PRELID2: variants seen among roughly 807,000 people sequenced by gnomAD.
PRELID2 encodes the protein PRELI domain containing 2, also known as PRELI domain-containing protein 2.
In PRELID2, 25 loss-of-function variants were observed where a neutral mutation model predicts 28.4. That is an observed-to-expected ratio of 0.88 (90% CI 0.64 to 1.23). The LOEUF is 1.23. PRELID2 is among the 50% of genes most tolerant of loss of function. PRELID2 has a pLI of 0.00. For missense variants in PRELID2, 201 were observed against 214.4 expected, an observed-to-expected ratio of 0.94 and a Z score of 0.39; for synonymous variants, 76 against 71.6, an observed-to-expected ratio of 1.06 and a Z score of -0.31.
intron 5 of PRELID2, among the ~76,000 whole-genome samples, chr5:145,765,353 T>C (rs1277820265): frequency 6.6e-6 from 1 of 152,166 alleles, no homozygotes; most frequent in Non-Finnish European, 1.5e-5. Flanking sequence ...TTTACAAATA[T>C]GCTAGATTCA....
the PRELID2 span, among the ~76,000 whole-genome samples, chr5:145,435,465 G>A: frequency 6.6e-6 from 1 of 152,226 alleles, no homozygotes; most frequent in Non-Finnish European, 1.5e-5. Flanking sequence ...TGGGGAGAGT[G>A]GGGTCCCGTT....
At chr5:145,232,967 A>T in the PRELID2 span, among the ~76,000 whole-genome samples, 5 of 131,078 alleles carry the variant, frequency 3.8e-5, no homozygotes, top group Non-Finnish European at 8.7e-5. Flanking sequence ...ATATGTATGT[A>T]TGTATATATA....
intron 1 of PRELID2, among the ~76,000 whole-genome samples, chr5:145,578,392 A>T (rs1280596970): frequency 6.6e-6 from 1 of 152,120 alleles, no homozygotes; most frequent in African/African-American, 2.4e-5. Context: ...GTATGATTTG[A>T]GTCCCAGGCT....
At chr5:145,387,750 A>G in the PRELID2 span, among the ~76,000 whole-genome samples, 2 of 151,816 alleles carry the variant, frequency 1.3e-5, no homozygotes, top group Non-Finnish European at 2.9e-5. Context: ...TGAGCAACAT[A>G]AGGAGACCCT....
rs75287950 is a variant in PRELID2, at chr5:145,815,012, C to A, written c.368+2882G>T. 6.0e-3 allele frequency among the ~76,000 whole-genome samples: 913 copies of A among 152,290 alleles called. 5 individuals carry two copies. Among genetic ancestry groups the A allele is most frequent in the Non-Finnish European group, 8.7e-3 (594 of 68,034 alleles). Reference sequence around the variant, plus strand: ...TGTCGGTGCCCTCCCCTGCCACCCCCAATTCATGTGCTGAAACTTTAACCT... The same window carrying A: ...TGTCGGTGCCCTCCCCTGCCACCCCAAATTCATGTGCTGAAACTTTAACCT... On this transcript the variant is annotated intron_variant, in intron 4 of 6. Transcript: ENST00000683046.
At chr5:145,473,348 T>C (rs1182332211) in intron 1 of PRELID2, 1 of 152,194 alleles carries the variant, frequency 6.6e-6, no homozygotes, top group African/African-American at 2.4e-5. Flanking sequence ...TACAACATTA[T>C]TGCAAGGCTT....
At chr5:145,738,917 A>C (rs920744507) in intron 1 of PRELID2, among the ~76,000 whole-genome samples, 2 of 152,198 alleles carry the variant, frequency 1.3e-5, no homozygotes, top group Admixed American at 6.5e-5. Flanking sequence ...GTAAAGACAA[A>C]GAAAAAAATC....
Position 145,745,691 on chromosome 5 carries a change from G to A in PRELID2, n.70+19240C>T, listed in dbSNP as rs139778218. 1.3e-3 allele frequency among the ~76,000 whole-genome samples: 201 copies of A among 152,116 alleles called. 1 individual carries two copies. Among genetic ancestry groups the A allele is most frequent in the African/African-American group, 4.3e-3 (179 of 41,516 alleles). On this transcript the variant is annotated intron_variant and non_coding_transcript_variant, in intron 1 of 2. Coordinates refer to the PRELID2 transcript ENST00000510259. ...AGCCTAGCCAACATGGTGAAATCCC[G>A]TCTCTACTAAAAATAGAAACAATTA... is the stretch of plus-strand genomic sequence containing the variant.
chr5:145,502,843 G>GTT (rs35862613), intron 1 of PRELID2, among the ~76,000 whole-genome samples: 11 of 147,484 alleles, frequency 7.5e-5, no homozygotes, highest in African/African-American at 2.0e-4. Context: ...ATCCCCAGAA[G>GTT]TTTTTTTTTT....
At chr5:145,323,534 G>A in the PRELID2 span, among the ~76,000 whole-genome samples, 1 of 152,138 alleles carries the variant, frequency 6.6e-6, no homozygotes, top group Admixed American at 6.5e-5. Flanking sequence ...TGCATGTTGT[G>A]GGGGGTTTGG....
the PRELID2 span, among the ~76,000 whole-genome samples, chr5:145,402,628 CAAGAT>C: frequency 6.6e-6 from 1 of 152,150 alleles, no homozygotes; most frequent in African/African-American, 2.4e-5. Context: ...TGAGTCTCTA[CAAGAT>C]AAGTTTTCTT....
intron 1 of PRELID2, among the ~76,000 whole-genome samples, chr5:145,735,510 G>A (rs910875345): frequency 6.6e-6 from 1 of 152,070 alleles, no homozygotes; most frequent in African/African-American, 2.4e-5. Context: ...TGATAAGGAA[G>A]CATAACTCAA....
At chr5:145,597,593 A>G (rs1419121172) in intron 1 of PRELID2, among the ~76,000 whole-genome samples, 2 of 152,202 alleles carry the variant, frequency 1.3e-5, no homozygotes, top group Non-Finnish European at 2.9e-5. Flanking sequence ...AAATGAACTT[A>G]TGGCATGCAT....
chr5:145,624,182 C>T (rs1753813298), intron 1 of PRELID2, among the ~76,000 whole-genome samples: 2 of 152,322 alleles, frequency 1.3e-5, no homozygotes, highest in Non-Finnish European at 2.9e-5. Context: ...GAGCATACCA[C>T]CTTCCCAGAA....
the PRELID2 span, among the ~76,000 whole-genome samples, chr5:145,463,854 G>A: frequency 6.6e-6 from 1 of 152,172 alleles, no homozygotes; most frequent in Non-Finnish European, 1.5e-5. Flanking sequence ...GTCCAGTGAT[G>A]ACGTAATACT....
intron 1 of PRELID2, among the ~76,000 whole-genome samples, chr5:145,645,696 G>A (rs1489355230): frequency 6.6e-6 from 1 of 152,076 alleles, no homozygotes; most frequent in Admixed American, 6.5e-5. Flanking sequence ...CATGTTTAGT[G>A]CTTCCTTCAG....
chr5:145,646,360 C>T (rs1754196219), intron 1 of PRELID2, among the ~76,000 whole-genome samples: 6 of 152,126 alleles, frequency 3.9e-5, no homozygotes, highest in Admixed American at 3.9e-4. Flanking sequence ...ACGAAGTTCT[C>T]GTGCTGTGTT....
chr5:145,294,354 A>G, the PRELID2 span, among the ~76,000 whole-genome samples: 1 of 152,164 alleles, frequency 6.6e-6, no homozygotes, highest in Non-Finnish European at 1.5e-5. Flanking sequence ...AATCTTACTT[A>G]CTGAATCAGA....
chr5:145,500,429 A>G (rs1286203468), intron 1 of PRELID2, among the ~76,000 whole-genome samples: 1 of 115,878 alleles, frequency 8.6e-6, no homozygotes, highest in Non-Finnish European at 2.2e-5. Flanking sequence ...GAGCCAATTA[A>G]ACCTCTTTAT....
Sources: allele counts gnomAD v4.1 joint callset (sites outside exome capture counted in the v4.1 genomes callset), GRCh38; gene constraint gnomAD v4.1.1; transcripts MANE v1.5; gene names NCBI Gene and HGNC (gene_info 2026-07-23, HGNC 2026-07-21).